Variants in SYCP2 observed in about 807,000 individuals in gnomAD.
SYCP2 encodes the protein synaptonemal complex lateral element protein.
SYCP2 carries 55 observed loss-of-function variants against 211.3 expected under a neutral mutation model. That is an observed-to-expected ratio of 0.26 (90% confidence interval 0.21 to 0.33). The LOEUF (loss-of-function observed/expected upper bound fraction) is 0.33. SYCP2 is among the 10% of genes least tolerant of loss of function. The pLI is 1.00. For synonymous variants in SYCP2, 570 were observed against 555.2 expected (o/e 1.03, Z -0.37); for missense variants, 1,731 against 1,752.0 (o/e 0.99, Z 0.21).
chr20:59,884,004 A>C (rs1031472235), intron 26 of SYCP2, among the ~76,000 whole-genome samples: 2 of 152,102 alleles, frequency 1.3e-5, no homozygotes, highest in Non-Finnish European at 1.5e-5. Flanking sequence ...CATACAATAA[A>C]AAAACACTTC....
At chr20:59,900,692 G>A (rs373839415) in intron 17 of SYCP2, 52 bp downstream of exon 17, 1 of 1,403,630 alleles carries the variant, frequency 7.1e-7, no homozygotes. Context: ...TGTTCCATTA[G>A]TTATGGTTAA....
chr20:59,892,921 T>A (rs1210524034), intron 22 of SYCP2, among the ~76,000 whole-genome samples: 1 of 151,986 alleles, frequency 6.6e-6, no homozygotes, highest in Non-Finnish European at 1.5e-5. Context: ...TTATACATTT[T>A]AAAAATCTCA....
chr20:59,873,961 A>G lies in SYCP2; in HGVS notation c.3450T>C (p.Asn1150=), dbSNP rs1345819709. The change falls in exon 35 of 45, where the codon AAT becomes AAC. Residue 1150 remains asparagine (N), a synonymous_variant. Transcript: ENST00000357552. ...TTGTACCTCCAACTCCACTGTTACT[A>G]TTTAAGGATTCAAGTGATGAAGTTT... ...YPKTSSLESL[N]SNSGVGGTIK... The G allele has an allele frequency of 1.9e-6, 3 of 1,613,296 alleles. No individual in the cohort carries two copies. Among genetic ancestry groups the G allele is most frequent in the Admixed American group, 3.3e-5 (2 of 59,938 alleles).
Position 59,882,090 on chromosome 20 carries a change from C to G in SYCP2, c.2600+5G>C, listed in dbSNP as rs758285293. On this transcript the variant is annotated splice_donor_5th_base_variant and intron_variant, in intron 27 of 44. Transcript: ENST00000357552. ...AAAATGAAAAATATTACAAAAAATA[C>G]TTACACTGGGCATTCAGAAGTAACA... 3.2e-5 allele frequency: 52 copies of G among 1,611,670 alleles called. No homozygotes were observed. In the East Asian group the frequency reaches 1.1e-3, roughly 35 times the overall value.
intron 14 of SYCP2, among the ~76,000 whole-genome samples, chr20:59,908,102 A>G (rs1472911410): frequency 6.6e-6 from 1 of 152,054 alleles, no homozygotes; most frequent in East Asian, 1.9e-4. Context: ...AAAAAAAATT[A>G]GCCGGGCGTG....
intron 34 of SYCP2, among the ~76,000 whole-genome samples, chr20:59,874,352 ATTATC>A (rs1439256397): frequency 6.6e-6 from 1 of 152,138 alleles, no homozygotes; most frequent in African/African-American, 2.4e-5. Flanking sequence ...CAACCTAAGT[ATTATC>A]TTGAGTATTC....
At chr20:59,902,448 G>C (rs184828098) in intron 15 of SYCP2, among the ~76,000 whole-genome samples, 17 of 152,186 alleles carry the variant, frequency 1.1e-4, no homozygotes, top group African/African-American at 3.9e-4. Context: ...TTATAGACCA[G>C]AGGCCACCAT....
chr20:59,909,088 G>A (rs1480893997), intron 14 of SYCP2, among the ~76,000 whole-genome samples: 2 of 151,740 alleles, frequency 1.3e-5, no homozygotes, highest in Admixed American at 6.6e-5. Context: ...TTCCTTTGTC[G>A]TCCGTAACAC....
intron 18 of SYCP2, among the ~76,000 whole-genome samples, chr20:59,897,849 C>T (rs1480459105): frequency 3.3e-5 from 5 of 152,010 alleles, no homozygotes; most frequent in African/African-American, 9.6e-5. Flanking sequence ...TTTGGGAGGC[C>T]GAGAAGGGCA....
In SYCP2 at chr20:59,864,304, C is replaced by G. The variant is rs1249276482; in HGVS notation, c.*7G>C. ...ATTAGATAAAGTATGGTGATAAAAA[C>G]TAGATTTCACACATTAGCATTTCTT... On this transcript the variant is annotated 3_prime_UTR_variant, in exon 45 of 45. Transcript: ENST00000357552. 6.4e-7 allele frequency: 1 copy of G among 1,573,968 alleles called. No individual in the cohort carries two copies.
intron 2 of SYCP2, among the ~76,000 whole-genome samples, chr20:59,930,241 G>A (rs146768548): frequency 1.4e-4 from 21 of 151,846 alleles, no homozygotes; most frequent in African/African-American, 2.7e-4. Flanking sequence ...CTTACTTTAC[G>A]TATGTCCGAA....
intron 2 of SYCP2, among the ~76,000 whole-genome samples, chr20:59,930,290 G>A (rs2060713754): frequency 6.6e-6 from 1 of 152,138 alleles, no homozygotes; most frequent in African/African-American, 2.4e-5. Flanking sequence ...TAAAGAAGTC[G>A]GGGAGTGTGA....
Position 59,896,544 on chromosome 20 carries a change from AAAAC to A in SYCP2, c.1405-20_1405-17del. 7.3e-7 allele frequency: 1 copy of A among 1,377,738 alleles called. No homozygotes were observed. Among genetic ancestry groups the A allele is most frequent in the Middle Eastern group, 1.8e-4 (1 of 5,592 alleles). The allele number at this position is 1,377,738 out of a possible 1,614,324, so 85.3% of individuals were successfully genotyped here. On this transcript the variant is annotated splice_polypyrimidine_tract_variant and intron_variant, in intron 18 of 44. Transcript: ENST00000357552. Reference sequence around the variant, plus strand: ...GAGTAGTTTTCTGAAACCACGATGAAAAACAACCACTGTAAACACAGTCTTTTTG... The same window carrying A: ...GAGTAGTTTTCTGAAACCACGATGAAAACCACTGTAAACACAGTCTTTTTG...
At position 59,901,711 on chromosome 20, in the gene SYCP2, A is replaced by C. The variant is rs749308815; in HGVS notation, c.1133T>G (p.Leu378Arg). 1 of 1,605,080 alleles carries C rather than the reference A, an allele frequency of 6.2e-7. No individual in the cohort carries two copies. The highest frequency in any genetic ancestry group is 8.5e-7 in the Non-Finnish European group (1 of 1,175,240). ...KELLLYFDAS[L>R]EITNVTQKIF... ...TTTTTGAGTTACATTAGTGATTTCT[A>C]GTGATGCGTCAAAATACAAAAGCAA... Residue 378 changes from leucine to arginine, a missense_variant, in exon 16 of 45, where the codon CTA becomes CGA. Leu to Arg is a moderately radical substitution (Grantham distance 102, BLOSUM62 -2). This residue lies in a region of SYCP2 where 1,387 missense variants were observed against 1,351.3 expected (regional missense o/e 1.03). Coordinates refer to ENST00000357552, the MANE Select transcript of SYCP2 (RefSeq NM_014258.4).
Position 59,921,454 on chromosome 20 carries a change from C to T in SYCP2, c.25-1G>A. 1 of 1,595,802 alleles carries T rather than the reference C, an allele frequency of 6.3e-7. No individual in the cohort carries two copies. The highest frequency in any genetic ancestry group is 8.5e-7 in the Non-Finnish European group (1 of 1,169,860). On this transcript the variant is annotated splice_acceptor_variant, in intron 3 of 44. Coordinates refer to ENST00000357552, the MANE Select transcript of SYCP2 (RefSeq NM_014258.4). LOFTEE classifies it high-confidence loss of function. ...CATCATCAATGCATTTTTCCAACTG[C>T]TAGAGAAATATATTTAATGGCACAT...
At chr20:59,865,314 GCACA>G (rs929387065) in intron 44 of SYCP2, 70 bp downstream of exon 44, 4 of 1,173,100 alleles carry the variant, frequency 3.4e-6, no homozygotes, top group Non-Finnish European at 2.5e-6. Context: ...AGACATAAAA[GCACA>G]CACACAAAAA....
At position 59,912,385 on chromosome 20, in the gene SYCP2, A is replaced by C; in HGVS notation, c.864T>G (p.Leu288=). Residue 288 remains leucine (L), a synonymous_variant, in exon 13 of 45, where the codon CTT becomes CTG. Transcript: ENST00000357552. ...ATTAAAATTTTACCTCATATTTATC[A>C]AGAAATGCTGATAAACAAGGAAATG... ...VFTFPCLSAF[L]DKYELQIPSD... The C allele has an allele frequency of 9.2e-7, 1 of 1,083,860 alleles. No individual in the cohort carries two copies. Among genetic ancestry groups the C allele is most frequent in the African/African-American group, 1.6e-5 (1 of 61,916 alleles). 67.1% of individuals were successfully genotyped at this position (1,083,860 alleles called of 1,614,324 possible).
chr20:59,871,153 G>A (rs2059444585), intron 35 of SYCP2, among the ~76,000 whole-genome samples: 1 of 151,800 alleles, frequency 6.6e-6, no homozygotes, highest in Admixed American at 6.6e-5. Context: ...ATACAAATTT[G>A]TAAGAAAAAT....
intron 20 of SYCP2, among the ~76,000 whole-genome samples, chr20:59,893,932 T>A (rs151251807): frequency 5.4e-4 from 82 of 152,212 alleles, no homozygotes; most frequent in African/African-American, 1.9e-3. Flanking sequence ...GCCTGCTTTA[T>A]CTATTTTGAT....
Sources: gnomAD v4.1 joint callset for allele counts (sites outside exome capture counted in the v4.1 genomes callset) on GRCh38, gnomAD v4.1.1 for gene constraint, gnomAD v4.1.1 regional missense constraint, MANE v1.5 for transcripts, NCBI Gene and HGNC (gene_info 2026-07-23, HGNC 2026-07-21) for gene names.